The following RNASE10 variants were observed in gnomAD, a reference collection of about 807,000 sequenced individuals.
RNASE10 encodes ribonuclease A family member 10 (inactive).
RNASE10 carries 2 observed loss-of-function variants against 1.1 expected under a neutral mutation model. That is an observed-to-expected ratio of 1.82 (90% CI 0.74 to 5.73). RNASE10 has a LOEUF of 5.73. Ranked by LOEUF, RNASE10 falls within the 30% of genes most tolerant of loss-of-function variation. The pLI, the probability that RNASE10 is intolerant of heterozygous loss-of-function variation, is 0.05. For synonymous variants in RNASE10, 97 were observed against 96.2 expected (o/e 1.01, Z -0.05); for missense variants, 276 against 263.4 (o/e 1.05, Z -0.33).
chr14:20,511,895 C>G (rs933731342), downstream of RNASE10, among the ~76,000 whole-genome samples: 17 of 152,010 alleles, frequency 1.1e-4, no homozygotes, highest in African/African-American at 4.1e-4. Context: ...CCGCTCTTCT[C>G]TTTATCTGGA....
At chr14:20,510,835 A>G (rs1882880379) in exon 2 of RNASE10, 2 of 1,614,206 alleles carry the variant, frequency 1.2e-6, no homozygotes, top group Non-Finnish European at 8.5e-7. Flanking sequence ...ATGCAATGAT[A>G]TGATGGCACA....
chr14:20,510,470 A>C (rs1437422751), exon 2 of RNASE10: 1 of 1,605,784 alleles, frequency 6.2e-7, no homozygotes, highest in Admixed American at 1.7e-5. Flanking sequence ...TCTCCAGGCA[A>C]AATGAAGCTG....
chr14:20,508,565 G>T (rs991952921), intron 1 of RNASE10, among the ~76,000 whole-genome samples: 1 of 152,052 alleles, frequency 6.6e-6, no homozygotes, highest in African/African-American at 2.4e-5. Flanking sequence ...AGTAATAGCC[G>T]CAAAGTGCAA....
upstream of RNASE10, among the ~76,000 whole-genome samples, chr14:20,505,260 TGCTCCCTCTCCC>T (rs1566535796): frequency 3.2e-4 from 24 of 75,636 alleles, no homozygotes; most frequent in Non-Finnish European, 4.0e-4. Flanking sequence ...AAAGTGAGTT[TGCTCCCTCTCCC>T]TCTCCCTCTC....
chr14:20,513,270 A>G (rs1882941115), downstream of RNASE10, among the ~76,000 whole-genome samples: 2 of 152,210 alleles, frequency 1.3e-5, no homozygotes, highest in South Asian at 4.1e-4. Context: ...ATCGCAGGAA[A>G]GCAATTTACA....
At chr14:20,510,724 A>G (rs1882876729) in exon 2 of RNASE10, 1 of 1,614,226 alleles carries the variant, frequency 6.2e-7, no homozygotes, top group African/African-American at 1.3e-5. Context: ...AGAAGATCCC[A>G]TCCTCGGTGA....
exon 2 of RNASE10, chr14:20,510,961 G>A (rs1176902119): frequency 1.2e-6 from 2 of 1,605,848 alleles, no homozygotes; most frequent in Non-Finnish European, 1.7e-6. Context: ...GCTCAAGGGG[G>A]GAAAATGTCA....
At chr14:20,508,295 C>T in intron 1 of RNASE10, among the ~76,000 whole-genome samples, 1 of 152,078 alleles carries the variant, frequency 6.6e-6, no homozygotes, top group East Asian at 1.9e-4. Flanking sequence ...TTTCAGTTAC[C>T]CATGGTCAAC....
chr14:20,504,927 G>C (rs1280369675), upstream of RNASE10, among the ~76,000 whole-genome samples: 1 of 151,962 alleles, frequency 6.6e-6, no homozygotes, highest in Non-Finnish European at 1.5e-5. Context: ...CCCGCCACAC[G>C]TACACACCAC....
intron 1 of RNASE10, among the ~76,000 whole-genome samples, chr14:20,507,375 C>T (rs879685008): frequency 0.065 from 7,813 of 119,298 alleles, no homozygotes; most frequent in Non-Finnish European, 0.075. Flanking sequence ...GGATTAAGGG[C>T]GGTGCAAGAT....
chr14:20,506,809 A>G (rs1467285329), intron 1 of RNASE10, among the ~76,000 whole-genome samples: 2 of 87,418 alleles, frequency 2.3e-5, no homozygotes, highest in Admixed American at 1.3e-4. Context: ...TCCGGGAGGG[A>G]GGTGGGGGGA....
chr14:20,507,329 C>T (rs1378071437), intron 1 of RNASE10, among the ~76,000 whole-genome samples: 1 of 133,038 alleles, frequency 7.5e-6, no homozygotes, highest in Admixed American at 7.5e-5. Flanking sequence ...ACCCTGTGCT[C>T]TCTGAAACAT....
chr14:20,507,635 T>TAC (rs1566537090), intron 1 of RNASE10, among the ~76,000 whole-genome samples: 20 of 93,206 alleles, frequency 2.1e-4, no homozygotes, highest in Admixed American at 4.0e-4. Flanking sequence ...AATAAATAAA[T>TAC]AAAATTTTCA....
intron 1 of RNASE10, 129 bp from the exon 2 acceptor site, chr14:20,510,338 G>C: frequency 1.5e-6 from 2 of 1,372,446 alleles, no homozygotes. Context: ...CTTGAAGAGG[G>C]TAGAGTAATG....
exon 2 of RNASE10, chr14:20,510,797 A>G (rs1171167691): frequency 1.2e-6 from 2 of 1,614,200 alleles, no homozygotes; most frequent in Non-Finnish European, 1.7e-6. Flanking sequence ...AACAAAGACT[A>G]TCTTAGGCTT....
downstream of RNASE10, among the ~76,000 whole-genome samples, chr14:20,512,453 C>T (rs1455412426): frequency 6.6e-6 from 1 of 152,200 alleles, no homozygotes; most frequent in Non-Finnish European, 1.5e-5. Context: ...TAGAGTTTTT[C>T]TCTGCTTCAC....
At chr14:20,512,548 G>C (rs181455024), downstream of RNASE10, among the ~76,000 whole-genome samples, 576 of 152,296 alleles carry the variant, frequency 3.8e-3, 2 homozygotes, top group Non-Finnish European at 6.5e-3. Flanking sequence ...CTCTGACCTG[G>C]CTTGCATTTT....
downstream of RNASE10, among the ~76,000 whole-genome samples, chr14:20,512,326 A>G (rs1882918504): frequency 6.6e-6 from 1 of 152,216 alleles, no homozygotes. Context: ...CCCTCAGCCT[A>G]TTTCCTCTAA....
exon 2 of RNASE10, chr14:20,510,997 A>C: frequency 6.3e-7 from 1 of 1,599,188 alleles, no homozygotes; most frequent in East Asian, 2.2e-5. Context: ...TTTTGATTTG[A>C]CATTGTGCGA....
Sources: gnomAD v4.1 joint callset for allele counts (sites outside exome capture counted in the v4.1 genomes callset) on GRCh38, gnomAD v4.1.1 for gene constraint, MANE v1.5 for transcripts, NCBI Gene and HGNC (gene_info 2026-07-23, HGNC 2026-07-21) for gene names.